The following CNTN5 variants were observed in gnomAD, a reference collection of about 807,000 sequenced individuals.
CNTN5 encodes the protein contactin-5.
In CNTN5, 77 loss-of-function variants were observed where a neutral mutation model predicts 129.1. The observed-to-expected ratio is 0.60, with a 90% CI of 0.50 to 0.72. CNTN5 has a LOEUF of 0.72. Ranked by LOEUF, CNTN5 falls within the 30% of genes least tolerant of loss-of-function variation. The pLI is 0.00. For synonymous variants in CNTN5, 509 were observed against 465.6 expected (o/e 1.09, Z -1.20); for missense variants, 1,478 against 1,328.8 (o/e 1.11, Z -1.75).
At chr11:99,836,549 A>T (rs1237614888) in intron 4 of CNTN5, among the ~76,000 whole-genome samples, 2 of 152,010 alleles carry the variant, frequency 1.3e-5, no homozygotes, top group Non-Finnish European at 2.9e-5. Flanking sequence ...TCATTGATGG[A>T]CATTTGGGTT....
chr11:99,215,895 C>T (rs945831868), intron 1 of CNTN5, among the ~76,000 whole-genome samples: 5 of 151,992 alleles, frequency 3.3e-5, no homozygotes, highest in Admixed American at 1.3e-4. Flanking sequence ...TATTATTAAT[C>T]GTCAGTGCAT....
chr11:100,142,403 GACTAAT>G (rs1195197954), intron 13 of CNTN5, among the ~76,000 whole-genome samples: 4 of 152,070 alleles, frequency 2.6e-5, no homozygotes, highest in Non-Finnish European at 4.4e-5. Context: ...GGAGAACTCT[GACTAAT>G]ACATATGTAG....
intron 2 of CNTN5, among the ~76,000 whole-genome samples, chr11:99,401,758 A>G (rs1941821519): frequency 1.3e-5 from 2 of 151,912 alleles, no homozygotes; most frequent in Non-Finnish European, 2.9e-5. Context: ...CAATTCTTTC[A>G]TCAGTGTTTT....
At chr11:99,382,600 C>T (rs1366785497) in intron 2 of CNTN5, among the ~76,000 whole-genome samples, 1 of 152,064 alleles carries the variant, frequency 6.6e-6, no homozygotes, top group Non-Finnish European at 1.5e-5. Flanking sequence ...TTCTCCACAT[C>T]CACTCGCCCT....
At chr11:99,678,298 C>T (rs576511058) in intron 3 of CNTN5, among the ~76,000 whole-genome samples, 65 of 151,894 alleles carry the variant, frequency 4.3e-4, no homozygotes, top group African/African-American at 1.5e-3. Flanking sequence ...TAAGCTAAAA[C>T]CACTAGGCAA....
chr11:99,847,134 A>C (rs577212212), intron 6 of CNTN5, among the ~76,000 whole-genome samples: 31 of 152,356 alleles, frequency 2.0e-4, no homozygotes, highest in South Asian at 8.3e-4. Flanking sequence ...TATTTGATAC[A>C]AGGTATACCA....
intron 3 of CNTN5, among the ~76,000 whole-genome samples, chr11:99,737,040 T>C (rs1943732809): frequency 6.6e-6 from 1 of 152,138 alleles, no homozygotes; most frequent in South Asian, 2.1e-4. Flanking sequence ...ATGCCTTCTG[T>C]CGTCAAGTTT....
intron 6 of CNTN5, among the ~76,000 whole-genome samples, chr11:99,892,977 A>G (rs1421436632): frequency 1.3e-5 from 2 of 152,228 alleles, no homozygotes; most frequent in African/African-American, 2.4e-5. Flanking sequence ...ATGAAGCAAT[A>G]TAACTCCTAA....
At chr11:100,068,710 G>T (rs113783142) in intron 10 of CNTN5, among the ~76,000 whole-genome samples, 2 of 152,290 alleles carry the variant, frequency 1.3e-5, no homozygotes, top group African/African-American at 4.8e-5. Flanking sequence ...ACTCACTATG[G>T]TAAAGATTTT....
chr11:99,997,681 A>T (rs1939547935), intron 8 of CNTN5, among the ~76,000 whole-genome samples: 1 of 152,018 alleles, frequency 6.6e-6, no homozygotes, highest in Admixed American at 6.6e-5. Flanking sequence ...CTGAGACCAA[A>T]GCCGGGCAGA....
At chr11:100,333,122 C>T (rs1259659079) in intron 21 of CNTN5, among the ~76,000 whole-genome samples, 1 of 152,084 alleles carries the variant, frequency 6.6e-6, no homozygotes, top group Non-Finnish European at 1.5e-5. Context: ...AGTAGCTCTG[C>T]TATATGCCAA....
chr11:99,638,610 A>T (rs656763), intron 3 of CNTN5, among the ~76,000 whole-genome samples: 5 of 151,556 alleles, frequency 3.3e-5, no homozygotes, highest in Admixed American at 6.6e-5. Context: ...GGTAAATATA[A>T]CCATTCCCAA....
chr11:100,200,512 T>C (rs1196003332), intron 15 of CNTN5, among the ~76,000 whole-genome samples: 1 of 151,964 alleles, frequency 6.6e-6, no homozygotes, highest in Non-Finnish European at 1.5e-5. Context: ...ACATTATGTG[T>C]GCTATGAATA....
chr11:99,951,551 G>A (rs1565713050), intron 7 of CNTN5, among the ~76,000 whole-genome samples: 1 of 151,906 alleles, frequency 6.6e-6, no homozygotes, highest in Non-Finnish European at 1.5e-5. Flanking sequence ...TCATCCATGA[G>A]GCTATTAACC....
intron 9 of CNTN5, among the ~76,000 whole-genome samples, chr11:100,015,279 G>A (rs866916058): frequency 1.3e-5 from 2 of 152,042 alleles, no homozygotes; most frequent in Admixed American, 1.3e-4. Flanking sequence ...ATCCTAGTAG[G>A]GTGTTATGCA....
intron 1 of CNTN5, among the ~76,000 whole-genome samples, chr11:99,268,435 G>A (rs1234445779): frequency 1.3e-5 from 2 of 151,302 alleles, no homozygotes; most frequent in Non-Finnish European, 2.9e-5. Context: ...TATAATATTA[G>A]ATCATATATA....
At chr11:100,343,527 C>T (rs1008572808) in intron 23 of CNTN5, among the ~76,000 whole-genome samples, 8 of 152,010 alleles carry the variant, frequency 5.3e-5, no homozygotes, top group South Asian at 2.1e-4. Flanking sequence ...CTCCTCAGAA[C>T]GCGGGTTTTC....
chr11:100,010,137 TATTTC>T (rs1940436661), intron 9 of CNTN5, among the ~76,000 whole-genome samples: 1 of 152,148 alleles, frequency 6.6e-6, no homozygotes, highest in African/African-American at 2.4e-5. Flanking sequence ...CCCTAATAAA[TATTTC>T]ATTTCAGTGG....
At chr11:100,126,524 A>G (rs559863750) in intron 13 of CNTN5, among the ~76,000 whole-genome samples, 11 of 124,812 alleles carry the variant, frequency 8.8e-5, no homozygotes, top group African/African-American at 2.8e-4. Flanking sequence ...CTTTAACATT[A>G]TGTATTGTCC....
Sources: gnomAD v4.1 joint callset for allele counts (sites outside exome capture counted in the v4.1 genomes callset) on GRCh38, gnomAD v4.1.1 for gene constraint, MANE v1.5 for transcripts, NCBI Gene and HGNC (gene_info 2026-07-23, HGNC 2026-07-21) for gene names.